The following CDH22 variants were observed in gnomAD, a reference collection of about 807,000 sequenced individuals.
The protein encoded by CDH22 is cadherin 22, also known as cadherin-22.
Under a neutral mutation model 58.4 loss-of-function variants are expected in CDH22, and 30 were observed. The observed-to-expected ratio is 0.51, with a 90% CI of 0.38 to 0.70. CDH22 has a LOEUF of 0.70. Among genes scored for constraint, CDH22 ranks in the 30% least tolerant of loss-of-function variants. The pLI is 0.00. For missense variants in CDH22, 1,014 were observed against 1,233.9 expected, an observed-to-expected ratio of 0.82 and a Z score of 2.67; for synonymous variants, 513 against 558.2, an observed-to-expected ratio of 0.92 and a Z score of 1.14.
At chr20:46,203,842 T>C (rs570727515) in intron 7 of CDH22, among the ~76,000 whole-genome samples, 259 of 152,148 alleles carry the variant, frequency 1.7e-3, no homozygotes, top group Middle Eastern at 6.8e-3. Context: ...CTGCTTAAAT[T>C]TTGCAGTCCT....
intron 7 of CDH22, among the ~76,000 whole-genome samples, chr20:46,201,051 C>T (rs2085957379): frequency 1.3e-5 from 2 of 152,242 alleles, no homozygotes; most frequent in Non-Finnish European, 2.9e-5. Flanking sequence ...GGCTCCAGGC[C>T]TTAAAGGCCC....
At chr20:46,204,208 C>A (rs1000326382) in intron 7 of CDH22, among the ~76,000 whole-genome samples, 1 of 151,852 alleles carries the variant, frequency 6.6e-6, no homozygotes, top group African/African-American at 2.4e-5. Flanking sequence ...GCCTGGCCAA[C>A]GTGGTGAAAC....
At position 46,178,205 on chromosome 20, in the gene CDH22, G is replaced by A. The variant is rs752214791; in HGVS notation, c.1664-8C>T. On this transcript the variant is annotated splice_polypyrimidine_tract_variant and splice_region_variant and intron_variant, in intron 10 of 11. Transcript: ENST00000537909. ...GCACTGCAGCGGTGTTGTCTGTTCC[G>A]GAAGAAGGGGGAGCGGTGTGACTTG... The A allele has an allele frequency of 5.6e-6, 9 of 1,606,214 alleles. No individual in the cohort carries two copies. Among genetic ancestry groups the A allele is most frequent in the Admixed American group, 1.7e-5 (1 of 59,870 alleles).
chr20:46,201,145 G>T (rs2085958519), intron 7 of CDH22, among the ~76,000 whole-genome samples: 1 of 152,250 alleles, frequency 6.6e-6, no homozygotes, highest in African/African-American at 2.4e-5. Context: ...GATAACGCTG[G>T]TGGGGGCGCC....
chr20:46,288,704 G>A (rs897105670), intron 1 of CDH22, among the ~76,000 whole-genome samples: 6 of 152,064 alleles, frequency 3.9e-5, no homozygotes, highest in Non-Finnish European at 8.8e-5. Flanking sequence ...AGCTGCTTCC[G>A]CCAAAAGCCT....
At chr20:46,198,287 G>GACACACACACACACACAC (rs368091518) in intron 8 of CDH22, among the ~76,000 whole-genome samples, 1 of 128,632 alleles carries the variant, frequency 7.8e-6, no homozygotes, top group Non-Finnish European at 1.6e-5. Context: ...GCACCAAAAA[G>GACACACACACACACACAC]ACACACACAC....
rs1285250330 is a variant in CDH22, at chr20:46,178,076, G to A, written c.1785C>T (p.Leu595=). Residue 595 remains leucine (L), a synonymous_variant, in exon 11 of 12, where the codon CTC becomes CTT. Coordinates refer to ENST00000537909, the MANE Select transcript of CDH22 (RefSeq NM_021248.3). ...TGTCGCAGCCACAGATGCGGATGGT[G>A]AGCGTGCCTGTGCTGCTCAGTGTGG... ...GPPTLSSTGT[L]TIRICGCDSS... 28 of 1,614,108 alleles carry A rather than the reference G, an allele frequency of 1.7e-5. No individual in the cohort carries two copies. Among genetic ancestry groups the A allele is most frequent in the Non-Finnish European group, 1.9e-5 (23 of 1,179,996 alleles).
At chr20:46,203,792 G>T (rs888104972) in intron 7 of CDH22, among the ~76,000 whole-genome samples, 6 of 152,208 alleles carry the variant, frequency 3.9e-5, no homozygotes, top group African/African-American at 1.4e-4. Context: ...GGACACAGTA[G>T]TCTGAGAAGG....
chr20:46,185,704 C>T (rs557912986), intron 10 of CDH22, among the ~76,000 whole-genome samples: 12 of 151,680 alleles, frequency 7.9e-5, no homozygotes, highest in Admixed American at 5.3e-4. Flanking sequence ...CCCATTTCTA[C>T]AAAAAATAAA....
In CDH22 at chr20:46,241,121, G is replaced by A; in HGVS notation, c.392C>T (p.Thr131Ile). 1 of 1,614,028 alleles carries A rather than the reference G, an allele frequency of 6.2e-7. No individual in the cohort carries two copies. Among genetic ancestry groups the A allele is most frequent in the Non-Finnish European group, 8.5e-7 (1 of 1,179,974 alleles). Residue 131 changes from threonine to isoleucine, a missense_variant, in exon 3 of 12, where the codon ACC becomes ATC. Physicochemically the swap from Thr to Ile is moderately conservative, Grantham distance 89. Transcript: ENST00000537909. The surrounding 1 kb of genome is among the most constrained non-coding windows in gnomAD (Gnocchi z 5.2). ...AGCCTGGGCCCGCAGCGTGTAGAAG[G>A]TTTTCTGCTCGCGGTCCAGGCGCTC... ...AMERLDREQKTFYTLRAQARD... is the reference protein window; with the variant it reads ...AMERLDREQKIFYTLRAQARD...
intron 2 of CDH22, among the ~76,000 whole-genome samples, chr20:46,249,786 T>C (rs889860930): frequency 5.9e-5 from 9 of 152,154 alleles, no homozygotes; most frequent in African/African-American, 2.2e-4. Context: ...CTTCAACACC[T>C]TAACTGCTGA....
chr20:46,204,828 T>C (rs1187847542), intron 7 of CDH22, among the ~76,000 whole-genome samples: 1 of 152,196 alleles, frequency 6.6e-6, no homozygotes, highest in Non-Finnish European at 1.5e-5. Context: ...TGCTGCTTCC[T>C]GGCTGGGGTG....
In CDH22 at chr20:46,178,271, T is replaced by C. The variant is rs984188689; in HGVS notation, c.1664-74A>G. ...ATCCTTGTCCTAGCCACCTCCTGAT[T>C]GCATCGTGAGATTTGCCTCCCTATG... On this transcript the variant is annotated intron_variant, in intron 10 of 11. Coordinates refer to ENST00000537909, the MANE Select transcript of CDH22 (RefSeq NM_021248.3). The C allele has an allele frequency of 3.3e-6, 5 of 1,532,806 alleles. No homozygotes were observed. The Admixed American group carries it at 7.0e-5, about 22-fold the overall frequency. The allele number at this position is 1,532,806 out of a possible 1,614,324, so 95.0% of individuals were successfully genotyped here.
chr20:46,302,768 C>T (rs146664738), intron 1 of CDH22, among the ~76,000 whole-genome samples: 14 of 152,290 alleles, frequency 9.2e-5, no homozygotes, highest in African/African-American at 1.4e-4. Flanking sequence ...ATCTCACCCT[C>T]GACCTGTCCA....
chr20:46,242,362 C>G (rs1008157555), intron 2 of CDH22, among the ~76,000 whole-genome samples: 1 of 152,174 alleles, frequency 6.6e-6, no homozygotes, highest in African/African-American at 2.4e-5. Flanking sequence ...GACAGTGCAG[C>G]CTGGCCCAGC....
At chr20:46,298,640 G>GTGGATGGA (rs568970672) in intron 1 of CDH22, among the ~76,000 whole-genome samples, 20 of 151,952 alleles carry the variant, frequency 1.3e-4, no homozygotes, top group Non-Finnish European at 2.2e-4. Flanking sequence ...TGATGAATGG[G>GTGGATGGA]TGGATGGATG....
chr20:46,177,831 C>G, intron 11 of CDH22, 115 bp downstream of exon 11: 1 of 1,346,224 alleles, frequency 7.4e-7, no homozygotes, highest in Non-Finnish European at 1.0e-6. Context: ...GTTTGGCCAG[C>G]CCATCCTCAT....
At chr20:46,197,858 T>C (rs1218675069) in intron 8 of CDH22, among the ~76,000 whole-genome samples, 1 of 151,596 alleles carries the variant, frequency 6.6e-6, no homozygotes, top group Non-Finnish European at 1.5e-5. Flanking sequence ...AATGGGCCAG[T>C]GGGGCCTGGG....
chr20:46,295,566 A>C (rs2145780780), intron 1 of CDH22, among the ~76,000 whole-genome samples: 1 of 152,304 alleles, frequency 6.6e-6, no homozygotes, highest in Middle Eastern at 3.4e-3. Flanking sequence ...GAGGTGGTTA[A>C]GTAACTTGTG....
Sources: allele counts gnomAD v4.1 joint callset (sites outside exome capture counted in the v4.1 genomes callset), GRCh38; gene constraint gnomAD v4.1.1; non-coding constraint Gnocchi (gnomAD v3.1); transcripts MANE v1.5; gene names NCBI Gene and HGNC (gene_info 2026-07-23, HGNC 2026-07-21).